NEDD4L: variants seen among roughly 807,000 people sequenced by gnomAD.
NEDD4L encodes E3 ubiquitin-protein ligase NEDD4-like.
In NEDD4L, 54 loss-of-function variants were observed where a neutral mutation model predicts 148.9. That is an observed-to-expected ratio of 0.36 (90% CI 0.29 to 0.45). The LOEUF (loss-of-function observed/expected upper bound fraction) is 0.45, where lower values mean the gene tolerates loss of function less well. Among genes scored for constraint, NEDD4L ranks in the 20% least tolerant of loss-of-function variants. The pLI is 1.00. For synonymous variants in NEDD4L, 433 were observed against 440.7 expected (o/e 0.98, Z 0.22); for missense variants, 856 against 1,233.8 (o/e 0.69, Z 4.59).
intron 20 of NEDD4L, 59 bp downstream of exon 20, chr18:58,364,392 C>A: frequency 9.6e-7 from 1 of 1,038,106 alleles, no homozygotes; most frequent in South Asian, 1.5e-5. Context: ...TTACCACAGT[C>A]ACTTCAGTGA....
chr18:58,331,019 C>T, intron 11 of NEDD4L, 105 bp downstream of exon 11: 1 of 1,129,874 alleles, frequency 8.9e-7, no homozygotes, highest in Non-Finnish European at 1.3e-6. Flanking sequence ...TCTTCCAGCT[C>T]CCAGCTAACT....
chr18:58,382,557 C>G (rs72944831), intron 24 of NEDD4L, among the ~76,000 whole-genome samples: 8,462 of 152,234 alleles, frequency 0.056, 355 homozygotes, highest in Non-Finnish European at 0.086. Flanking sequence ...GTAGGCCTCT[C>G]TCCCTTCCCT....
chr18:58,182,494 C>T (rs7236464), intron 2 of NEDD4L, among the ~76,000 whole-genome samples: 1,567 of 149,880 alleles, frequency 0.01, 29 homozygotes, highest in African/African-American at 0.037. Flanking sequence ...TCTGTGGTGA[C>T]CTGAGCATTG....
At chr18:58,321,333 A>G (rs1368138608) in intron 6 of NEDD4L, among the ~76,000 whole-genome samples, 1 of 152,238 alleles carries the variant, frequency 6.6e-6, no homozygotes, top group African/African-American at 2.4e-5. Flanking sequence ...CAGCCATGCC[A>G]TCCAGAGTCA....
At chr18:58,381,223 G>C (rs1001076898) in intron 24 of NEDD4L, among the ~76,000 whole-genome samples, 1 of 152,150 alleles carries the variant, frequency 6.6e-6, no homozygotes, top group Non-Finnish European at 1.5e-5. Context: ...TTCAGAAAAA[G>C]ATTGAACCAA....
intron 5 of NEDD4L, among the ~76,000 whole-genome samples, chr18:58,278,072 A>C (rs2052417524): frequency 6.6e-6 from 1 of 152,212 alleles, no homozygotes; most frequent in African/African-American, 2.4e-5. Flanking sequence ...TGTTTGAGAA[A>C]TATCCAAGAT....
At chr18:58,346,543 C>T (rs745839822) in intron 16 of NEDD4L, among the ~76,000 whole-genome samples, 12 of 152,220 alleles carry the variant, frequency 7.9e-5, no homozygotes, top group Admixed American at 3.3e-4. Flanking sequence ...ACTAATGAAA[C>T]TTATTACTCT....
intron 1 of NEDD4L, among the ~76,000 whole-genome samples, chr18:58,123,678 A>G (rs991757407): frequency 3.3e-5 from 5 of 152,166 alleles, no homozygotes; most frequent in Admixed American, 2.6e-4. Flanking sequence ...GTTCAGAGAA[A>G]ACTCTTTCAT....
intron 24 of NEDD4L, among the ~76,000 whole-genome samples, chr18:58,382,442 T>C (rs2048461250): frequency 6.6e-6 from 1 of 152,238 alleles, no homozygotes; most frequent in African/African-American, 2.4e-5. Flanking sequence ...CCCACCAAAA[T>C]AGTGGCATGG....
chr18:58,383,449 G>A lies in NEDD4L; in HGVS notation c.2426+130G>A, dbSNP rs141991732. On this transcript the variant is annotated intron_variant, in intron 25 of 30. Coordinates refer to ENST00000400345, the MANE Select transcript of NEDD4L (RefSeq NM_001144967.3). ...TATTGGTCAGTTTTCAACAAGGTAA[G>A]TTCTTTTCTGGCTTGGGCTAATGGG... is the stretch of plus-strand genomic sequence containing the variant. 375 of 611,170 alleles carry A rather than the reference G, an allele frequency of 6.1e-4. No individual in the cohort carries two copies. In the African/African-American group the frequency reaches 6.3e-3, roughly 10 times the overall value. 37.9% of individuals were successfully genotyped at this position (611,170 alleles called of 1,614,324 possible). A position where few individuals can be genotyped will look rare whatever the true frequency, so the allele number is the denominator to read the frequency against.
At chr18:58,245,331 G>T in intron 2 of NEDD4L, 96 bp from the exon 3 acceptor site, 1 of 631,790 alleles carries the variant, frequency 1.6e-6, no homozygotes, top group Non-Finnish European at 2.8e-6. Context: ...TACAAGCTGA[G>T]ACTTTAACTG....
intron 5 of NEDD4L, among the ~76,000 whole-genome samples, chr18:58,295,140 C>T (rs1291446078): frequency 2.6e-5 from 4 of 152,170 alleles, no homozygotes; most frequent in Non-Finnish European, 5.9e-5. Flanking sequence ...ATAGTTTACA[C>T]TAGGGTTCTC....
chr18:58,179,899 A>T lies in NEDD4L; in HGVS notation c.122+14038A>T, dbSNP rs951002488. Among the ~76,000 whole-genome samples the T allele has an allele frequency of 1.6e-4, 25 of 152,078 alleles. 1 individual carries two copies. Among genetic ancestry groups the T allele is most frequent in the Non-Finnish European group, 2.8e-4 (19 of 68,018 alleles). Reference sequence around the variant, plus strand: ...ATGTAATGCCCTTGAATCATCTCCAAACCATCCACCCCACTCCTCCAACCC... The same window carrying T: ...ATGTAATGCCCTTGAATCATCTCCATACCATCCACCCCACTCCTCCAACCC... On this transcript the variant is annotated intron_variant, in intron 2 of 30. Transcript: ENST00000400345.
At chr18:58,267,809 C>G (rs184811166) in intron 5 of NEDD4L, among the ~76,000 whole-genome samples, 105 of 152,140 alleles carry the variant, frequency 6.9e-4, no homozygotes, top group African/African-American at 2.4e-3. Context: ...GCGTATTGTC[C>G]ATTGATGAAT....
chr18:58,348,349 T>G (rs2043397679), intron 16 of NEDD4L, among the ~76,000 whole-genome samples: 1 of 113,592 alleles, frequency 8.8e-6, no homozygotes, highest in Admixed American at 9.4e-5. Flanking sequence ...TTTTTTTTTT[T>G]GAGACGGAGT....
intron 24 of NEDD4L, among the ~76,000 whole-genome samples, chr18:58,382,654 T>C (rs1186901511): frequency 6.6e-6 from 1 of 152,134 alleles, no homozygotes; most frequent in Admixed American, 6.5e-5. Flanking sequence ...TTGCAGCTGC[T>C]TTTTTCATGA....
At chr18:58,165,727 TGAGA>T (rs1390667881) in intron 1 of NEDD4L, 57 bp from the exon 2 acceptor site, 5 of 1,528,388 alleles carry the variant, frequency 3.3e-6, no homozygotes, top group Non-Finnish European at 4.5e-6. Context: ...TAATATTGGA[TGAGA>T]GAGTGATTGA....
At position 58,386,202 on chromosome 18, in the gene NEDD4L, G is replaced by A. The variant is rs542422655; in HGVS notation, c.2487+616G>A. 4.5e-3 allele frequency among the ~76,000 whole-genome samples: 691 copies of A among 152,122 alleles called. 4 individuals are homozygous for A. The highest frequency in any genetic ancestry group is 0.016 in the African/African-American group (649 of 41,506). ...CAAGTAGCTGGGACTACAGGCACGC[G>A]CCACCACACCCAGCTAATTTTTGTA... On this transcript the variant is annotated intron_variant, in intron 26 of 30. Coordinates refer to ENST00000400345, the MANE Select transcript of NEDD4L (RefSeq NM_001144967.3).
intron 2 of NEDD4L, among the ~76,000 whole-genome samples, chr18:58,216,615 G>A (rs561668537): frequency 6.6e-6 from 1 of 152,200 alleles, no homozygotes; most frequent in Non-Finnish European, 1.5e-5. Flanking sequence ...GGGAAGAGCA[G>A]AACTGAGGAA....
Sources: allele counts gnomAD v4.1 joint callset (sites outside exome capture counted in the v4.1 genomes callset), GRCh38; gene constraint gnomAD v4.1.1; transcripts MANE v1.5; gene names NCBI Gene and HGNC (gene_info 2026-07-23, HGNC 2026-07-21).